The following SCML4 variants were observed in gnomAD, a reference collection of about 807,000 sequenced individuals.
The protein encoded by SCML4 is Scm polycomb group protein like 4.
Under a neutral mutation model 41.1 loss-of-function variants are expected in SCML4, and 34 were observed. The observed-to-expected ratio is 0.83, with a 90% CI of 0.63 to 1.10. The LOEUF (loss-of-function observed/expected upper bound fraction) is 1.10, where lower values mean the gene tolerates loss of function less well. Among genes scored for constraint, SCML4 ranks in the 50% least tolerant of loss-of-function variants. The pLI is 0.00. For missense variants in SCML4, 522 were observed against 534.1 expected, an observed-to-expected ratio of 0.98 and a Z score of 0.22; for synonymous variants, 214 against 220.9, an observed-to-expected ratio of 0.97 and a Z score of 0.28.
intron 1 of SCML4, among the ~76,000 whole-genome samples, chr6:107,822,281 C>T (rs1443464634): frequency 6.6e-6 from 1 of 152,140 alleles, no homozygotes; most frequent in Non-Finnish European, 1.5e-5. Flanking sequence ...GGCTTGTTTT[C>T]TGTGGGCTGA....
intron 1 of SCML4, among the ~76,000 whole-genome samples, chr6:107,785,446 C>T (rs1350608996): frequency 1.3e-5 from 2 of 152,210 alleles, no homozygotes; most frequent in Non-Finnish European, 2.9e-5. Flanking sequence ...CAGAAAGCCT[C>T]CCATCTCCTA....
intron 1 of SCML4, among the ~76,000 whole-genome samples, chr6:107,803,212 A>G (rs1441441083): frequency 3.4e-3 from 35 of 10,424 alleles, no homozygotes; most frequent in South Asian, 0.013. Context: ...CCATCGTCTG[A>G]GATGTGGGGA....
intron 1 of SCML4, among the ~76,000 whole-genome samples, chr6:107,777,263 G>T (rs576894711): frequency 6.6e-6 from 1 of 152,246 alleles, no homozygotes; most frequent in South Asian, 2.1e-4. Flanking sequence ...GATTACAGGT[G>T]CTGGCCATCA....
chr6:107,769,882 G>A (rs1020425954), intron 2 of SCML4, among the ~76,000 whole-genome samples: 8 of 152,066 alleles, frequency 5.3e-5, no homozygotes, highest in South Asian at 2.1e-4. Context: ...AACAAAAAAT[G>A]TAAACAAATT....
chr6:107,748,723 T>C (rs1778351590), intron 3 of SCML4, among the ~76,000 whole-genome samples: 1 of 152,216 alleles, frequency 6.6e-6, no homozygotes, highest in South Asian at 2.1e-4. Context: ...GAAGTAAGCC[T>C]ATTCAGATCA....
chr6:107,764,180 A>G (rs577901318), intron 2 of SCML4, among the ~76,000 whole-genome samples: 1 of 152,294 alleles, frequency 6.6e-6, no homozygotes, highest in South Asian at 2.1e-4. Context: ...ATCTAATTCC[A>G]TTCCTAGGAG....
chr6:107,831,303 G>A, the SCML4 span, among the ~76,000 whole-genome samples: 1 of 149,402 alleles, frequency 6.7e-6, no homozygotes, highest in African/African-American at 2.5e-5. Context: ...TTTGAGGGAA[G>A]ATCTCCAAGA....
intron 1 of SCML4, among the ~76,000 whole-genome samples, chr6:107,791,829 C>T (rs1727543526): frequency 6.6e-6 from 1 of 152,002 alleles, no homozygotes. Context: ...TGGCTCGTGC[C>T]TGTAATCCCA....
chr6:107,722,093 G>A (rs1354624159), intron 5 of SCML4, among the ~76,000 whole-genome samples: 2 of 151,296 alleles, frequency 1.3e-5, no homozygotes, highest in Non-Finnish European at 2.9e-5. Context: ...TGGTTGAAGC[G>A]ATTCTCTTGC....
intron 2 of SCML4, among the ~76,000 whole-genome samples, chr6:107,762,876 C>CTTTTTTTTTTTTTTTTTTTTTTTTTT (rs57370632): frequency 3.3e-5 from 3 of 89,656 alleles, no homozygotes; most frequent in Non-Finnish European, 3.9e-5. Context: ...TAAATGCACT[C>CTTTTTTTTTTTTTTTTTTTTTTTTTT]TTTTTTTTTT....
chr6:107,722,477 T>C (rs1035830445), intron 5 of SCML4, among the ~76,000 whole-genome samples: 3 of 152,056 alleles, frequency 2.0e-5, no homozygotes, highest in Non-Finnish European at 4.4e-5. Flanking sequence ...AATAATTATC[T>C]GTATATTAGA....
intron 7 of SCML4, among the ~76,000 whole-genome samples, chr6:107,706,068 T>G (rs1172552058): frequency 1.3e-5 from 2 of 152,142 alleles, no homozygotes; most frequent in East Asian, 1.9e-4. Context: ...TTTCAGGTGC[T>G]CAAGCAGGGA....
chr6:107,832,654 T>C, the SCML4 span, among the ~76,000 whole-genome samples: 1 of 152,194 alleles, frequency 6.6e-6, no homozygotes, highest in Non-Finnish European at 1.5e-5. Flanking sequence ...GGGAGAAATG[T>C]ACACCTGAAT....
intron 2 of SCML4, among the ~76,000 whole-genome samples, chr6:107,751,649 T>TCTTTCTTTCTTTCTTTCTTTCTTTCTTTC (rs60515260): frequency 2.1e-5 from 3 of 141,020 alleles, no homozygotes; most frequent in East Asian, 2.0e-4. Context: ...TTTCTTTCTT[T>TCTTTCTTTCTTTCTTTCTTTCTTTCTTTC]TTTGAGAGGG....
At chr6:107,799,177 T>C (rs1458155907) in intron 1 of SCML4, among the ~76,000 whole-genome samples, 2 of 152,236 alleles carry the variant, frequency 1.3e-5, no homozygotes, top group African/African-American at 2.4e-5. Flanking sequence ...GCAACCATAA[T>C]TGTGAAATTG....
At chr6:107,841,717 T>A in the SCML4 span, among the ~76,000 whole-genome samples, 7 of 152,186 alleles carry the variant, frequency 4.6e-5, no homozygotes, top group Non-Finnish European at 1.0e-4. Context: ...AAAAATGACA[T>A]AAATAGAAGA....
intron 6 of SCML4, among the ~76,000 whole-genome samples, chr6:107,710,918 G>T (rs1319032067): frequency 1.5e-5 from 1 of 67,958 alleles, no homozygotes; most frequent in African/African-American, 5.9e-5. Context: ...TCACTCCCCT[G>T]TTCAGAAATG....
chr6:107,744,149 A>T (rs974323951), intron 5 of SCML4: 1 of 152,220 alleles, frequency 6.6e-6, no homozygotes, highest in African/African-American at 2.4e-5. Context: ...AGAGAAAGAA[A>T]AAAAGCAACA....
At chr6:107,785,875 G>C (rs1287052444) in intron 1 of SCML4, among the ~76,000 whole-genome samples, 2 of 152,146 alleles carry the variant, frequency 1.3e-5, no homozygotes, top group Non-Finnish European at 2.9e-5. Context: ...AAACAGCCAA[G>C]GGAGGGGCAG....
Sources: allele counts gnomAD v4.1 joint callset (sites outside exome capture counted in the v4.1 genomes callset), GRCh38; gene constraint gnomAD v4.1.1; transcripts MANE v1.5; gene names NCBI Gene and HGNC (gene_info 2026-07-23, HGNC 2026-07-21).